EPHB1: variants seen among roughly 807,000 people sequenced by gnomAD.
EPHB1 encodes ephrin type-B receptor 1.
In EPHB1, 30 loss-of-function variants were observed where a neutral mutation model predicts 94.4. The ratio of observed to expected loss-of-function variants is 0.32; its 90% CI spans 0.24 to 0.43. EPHB1 has a LOEUF of 0.43. Ranked by LOEUF, EPHB1 falls within the 20% of genes least tolerant of loss-of-function variation. The probability of loss-of-function intolerance (pLI) is 1.00; values close to 1 mark genes in which losing one functional copy is unlikely to be tolerated. For missense variants in EPHB1, 1,055 were observed against 1,308.3 expected (o/e 0.81, Z 2.99); for synonymous variants, 522 against 489.1 (o/e 1.07, Z -0.89).
At chr3:135,111,474 C>A (rs530493409) in intron 4 of EPHB1, among the ~76,000 whole-genome samples, 21 of 152,228 alleles carry the variant, frequency 1.4e-4, no homozygotes, top group African/African-American at 4.6e-4. Context: ...AACCACAGGG[C>A]CTTCCCCTCC....
chr3:135,183,444 A>G (rs1280556915), intron 10 of EPHB1, among the ~76,000 whole-genome samples: 1 of 152,156 alleles, frequency 6.6e-6, no homozygotes, highest in African/African-American at 2.4e-5. Context: ...GATTAAGTTT[A>G]CAGTTCAGAA....
intron 3 of EPHB1, among the ~76,000 whole-genome samples, chr3:134,985,790 A>T (rs55680387): frequency 0.035 from 5,383 of 152,170 alleles, 315 homozygotes; most frequent in African/African-American, 0.12. Flanking sequence ...TCTTCCAAAA[A>T]CATCTGCCTC....
At chr3:135,191,383 C>G (rs1346295529) in intron 10 of EPHB1, among the ~76,000 whole-genome samples, 4 of 152,152 alleles carry the variant, frequency 2.6e-5, no homozygotes, top group African/African-American at 9.7e-5. Flanking sequence ...AAGGAACTCC[C>G]AAATGAATCA....
At chr3:134,952,080 C>G (rs1371103807) in intron 3 of EPHB1, 28 bp downstream of exon 3, 4 of 1,563,992 alleles carry the variant, frequency 2.6e-6, no homozygotes, top group Non-Finnish European at 3.5e-6. Flanking sequence ...TGCTTCCTGC[C>G]CATCTATGGC....
At chr3:134,837,680 G>A (rs899759372) in intron 1 of EPHB1, among the ~76,000 whole-genome samples, 1 of 152,212 alleles carries the variant, frequency 6.6e-6, no homozygotes, top group African/African-American at 2.4e-5. Context: ...ATCTAGAAAG[G>A]CATGGTTTGC....
chr3:134,969,005 G>A (rs1196898657), intron 3 of EPHB1, among the ~76,000 whole-genome samples: 3 of 152,116 alleles, frequency 2.0e-5, no homozygotes, highest in African/African-American at 4.8e-5. Context: ...ATAAATAGAG[G>A]ACATACATTT....
intron 4 of EPHB1, among the ~76,000 whole-genome samples, chr3:135,117,149 G>C (rs1023965523): frequency 1.3e-5 from 2 of 152,236 alleles, no homozygotes; most frequent in African/African-American, 4.8e-5. Flanking sequence ...GTACAAAAAG[G>C]TTCTGGTGAT....
chr3:135,088,495 A>C (rs1388787078), intron 3 of EPHB1, among the ~76,000 whole-genome samples: 1 of 152,208 alleles, frequency 6.6e-6, no homozygotes, highest in Non-Finnish European at 1.5e-5. Context: ...TTCTCATGTA[A>C]AATAAGTCCG....
chr3:135,149,435 A>C (rs905170086), intron 5 of EPHB1, among the ~76,000 whole-genome samples: 2 of 152,230 alleles, frequency 1.3e-5, no homozygotes, highest in African/African-American at 4.8e-5. Flanking sequence ...TCTTTGAATT[A>C]ATCTTCTCAT....
intron 2 of EPHB1, among the ~76,000 whole-genome samples, chr3:134,934,082 C>A (rs1331155942): frequency 4.0e-5 from 6 of 148,874 alleles, no homozygotes; most frequent in Admixed American, 2.0e-4. Context: ...CACTCTTTAT[C>A]TTTTTCTCTC....
At chr3:135,055,226 A>G (rs1339255265) in intron 3 of EPHB1, among the ~76,000 whole-genome samples, 2 of 152,204 alleles carry the variant, frequency 1.3e-5, no homozygotes, top group African/African-American at 4.8e-5. Flanking sequence ...TTTGGTTTGT[A>G]TCTGTTTTTC....
intron 5 of EPHB1, among the ~76,000 whole-genome samples, chr3:135,146,058 C>T (rs1940998584): frequency 2.0e-5 from 3 of 152,192 alleles, no homozygotes; most frequent in Admixed American, 2.0e-4. Context: ...CAGAGGTGAG[C>T]ACCTCGGAAG....
rs552270867 is a variant in EPHB1 at position 135,068,894 on chromosome 3, C to T, written c.806-37554C>T. ...CAATCTCCTGACCTCGTGATCTGCC[C>T]GCCCCGGCCTCCCAAAGTGCTGGAT... On this transcript the variant is annotated intron_variant, in intron 3 of 15. Transcript: ENST00000398015. 5.2e-3 allele frequency among the ~76,000 whole-genome samples: 782 copies of T among 151,512 alleles called. 3 individuals are homozygous for T. The highest frequency in any genetic ancestry group is 0.021 in the Middle Eastern group (6 of 292).
intron 12 of EPHB1, among the ~76,000 whole-genome samples, chr3:135,222,629 G>A (rs1943299102): frequency 6.6e-6 from 1 of 152,098 alleles, no homozygotes; most frequent in Non-Finnish European, 1.5e-5. Context: ...ATAAAACAGG[G>A]AGTAAACATG....
chr3:134,994,066 A>G (rs1934907676), intron 3 of EPHB1, among the ~76,000 whole-genome samples: 1 of 152,114 alleles, frequency 6.6e-6, no homozygotes, highest in South Asian at 2.1e-4. Flanking sequence ...TGTGCACATA[A>G]TACGTTCTGT....
intron 1 of EPHB1, among the ~76,000 whole-genome samples, chr3:134,875,804 A>T (rs530774109): frequency 1.3e-5 from 2 of 152,174 alleles, no homozygotes; most frequent in East Asian, 3.9e-4. Flanking sequence ...CATCCCAAAT[A>T]GAATAGGTCA....
chr3:135,071,694 T>A lies in EPHB1; in HGVS notation c.806-34754T>A, dbSNP rs145898396. Among the ~76,000 whole-genome samples, 1,169 of 152,312 alleles carry A rather than the reference T, an allele frequency of 7.7e-3. 13 individuals carry two copies. The highest frequency in any genetic ancestry group is 0.026 in the African/African-American group (1,096 of 41,566). On this transcript the variant is annotated intron_variant, in intron 3 of 15. Transcript: ENST00000398015. ...AAAAAACTCATGGCTCTAAATGTCA[T>A]CTGTACACTAATGACTCCAAAATTT... is the stretch of plus-strand genomic sequence containing the variant.
intron 12 of EPHB1, among the ~76,000 whole-genome samples, chr3:135,217,198 C>T (rs749019060): frequency 6.6e-6 from 1 of 152,030 alleles, no homozygotes; most frequent in Non-Finnish European, 1.5e-5. Flanking sequence ...AGATGAGTAG[C>T]AGACCTGCCA....
At position 134,882,746 on chromosome 3, in the gene EPHB1, C is replaced by CT. The variant is rs1560280322; in HGVS notation, c.59-43068dup. Among the ~76,000 whole-genome samples, 225 of 66,814 alleles carry CT rather than the reference C, an allele frequency of 3.4e-3. 10 individuals carry two copies. Among genetic ancestry groups the CT allele is most frequent in the African/African-American group, 0.014 (216 of 15,592 alleles). The allele number at this position is 66,814 out of a possible 152,430, so 43.8% of individuals were successfully genotyped here. A position where few individuals can be genotyped will look rare whatever the true frequency, so the allele number is the denominator to read the frequency against. On this transcript the variant is annotated intron_variant, in intron 1 of 15. Transcript: ENST00000398015. The stretch of plus-strand genomic sequence containing the variant: ...TTCTTCTTTCCTTCTTTCCTTCTTT[C>CT]TTCCTTTCTTCCTTCCTTCCTTTCT...
Sources: allele counts gnomAD v4.1 joint callset (sites outside exome capture counted in the v4.1 genomes callset), GRCh38; gene constraint gnomAD v4.1.1; transcripts MANE v1.5; gene names NCBI Gene and HGNC (gene_info 2026-07-23, HGNC 2026-07-21).